Variants in CHCHD3 observed in about 807,000 individuals in gnomAD.
CHCHD3 encodes the protein coiled-coil-helix-coiled-coil-helix domain containing 3.
Under a neutral mutation model 38.2 loss-of-function variants are expected in CHCHD3, and 20 were observed. The ratio of observed to expected loss-of-function variants is 0.52; its 90% CI spans 0.37 to 0.76. The LOEUF (loss-of-function observed/expected upper bound fraction) is 0.76. Ranked by LOEUF, CHCHD3 falls within the 30% of genes least tolerant of loss-of-function variation. CHCHD3 has a pLI of 0.00. For synonymous variants in CHCHD3, 82 were observed against 100.0 expected (o/e 0.82, Z 1.07); for missense variants, 245 against 279.2 (o/e 0.88, Z 0.87).
At chr7:132,790,774 G>A (rs543230121) in intron 7 of CHCHD3, among the ~76,000 whole-genome samples, 3 of 152,294 alleles carry the variant, frequency 2.0e-5, no homozygotes, top group African/African-American at 7.2e-5. Flanking sequence ...TGTGGGTCGG[G>A]GAGAGAAGCA....
intron 5 of CHCHD3, among the ~76,000 whole-genome samples, chr7:132,883,002 G>C (rs1046846176): frequency 3.3e-5 from 5 of 151,564 alleles, no homozygotes; most frequent in Non-Finnish European, 4.4e-5. Flanking sequence ...AGAGTTCTCA[G>C]ATCTGATGGT....
chr7:132,803,009 A>G (rs1806829579), intron 6 of CHCHD3, among the ~76,000 whole-genome samples: 1 of 152,156 alleles, frequency 6.6e-6, no homozygotes, highest in South Asian at 2.1e-4. Flanking sequence ...TGCTTAACAA[A>G]TGTCAAATAA....
rs543794368 is a variant in CHCHD3 at position 132,965,587 on chromosome 7, A to T, written c.369+9582T>A. Among the ~76,000 whole-genome samples the T allele has an allele frequency of 3.3e-5, 5 of 152,354 alleles. No homozygotes were observed. In the East Asian group the frequency reaches 9.6e-4, roughly 29 times the overall value. ...CTTTGGGGCTCAGAGCTATGGTTCCAGGCAATGAGTTACCTGTGTTCCTGA... is the reference window on the plus strand; with the variant it reads ...CTTTGGGGCTCAGAGCTATGGTTCCTGGCAATGAGTTACCTGTGTTCCTGA... On this transcript the variant is annotated intron_variant, in intron 4 of 7. Transcript: ENST00000262570.
chr7:132,837,171 T>C (rs1027850834), intron 6 of CHCHD3, among the ~76,000 whole-genome samples: 1 of 152,212 alleles, frequency 6.6e-6, no homozygotes, highest in Non-Finnish European at 1.5e-5. Context: ...GCTGTTTTTA[T>C]AGCTATTGTC....
At chr7:132,851,560 G>C (rs1379023760) in intron 5 of CHCHD3, among the ~76,000 whole-genome samples, 2 of 152,130 alleles carry the variant, frequency 1.3e-5, no homozygotes, top group Non-Finnish European at 2.9e-5. Flanking sequence ...TTCTGCTTTT[G>C]ACATGGTTGT....
At chr7:132,975,909 C>T (rs1049107531) in intron 3 of CHCHD3, among the ~76,000 whole-genome samples, 2 of 142,382 alleles carry the variant, frequency 1.4e-5, no homozygotes, top group Admixed American at 1.5e-4. Context: ...CTAGCCTGGG[C>T]GAATGAGACT....
chr7:133,070,183 C>A lies in CHCHD3; in HGVS notation c.128G>T (p.Gly43Val). 1.9e-6 allele frequency: 3 copies of A among 1,613,232 alleles called. No homozygotes were observed. The African/African-American group carries it at 4.0e-5, about 22-fold the overall frequency. Reference protein sequence around the residue: ...IDRMKESSPSGSKSQRYSGAY... With the variant: ...IDRMKESSPSVSKSQRYSGAY... ...ACCAGAATACCGCTGAGACTTCGAA[C>A]CAGATGGAGAGGATTCCTTCATTCG... Residue 43 changes from glycine (G) to valine (V), a missense_variant, in exon 2 of 8, where the codon GGT becomes GTT. Transcript: ENST00000262570.
At chr7:132,857,339 T>C (rs867453938) in intron 5 of CHCHD3, among the ~76,000 whole-genome samples, 1 of 152,208 alleles carries the variant, frequency 6.6e-6, no homozygotes, top group African/African-American at 2.4e-5. Flanking sequence ...CGACAAGTGA[T>C]TGTTCTCATT....
intron 1 of CHCHD3, among the ~76,000 whole-genome samples, chr7:133,081,010 AGAGT>A (rs1815156527): frequency 6.6e-6 from 1 of 152,186 alleles, no homozygotes. Context: ...GGCGCAGCGG[AGAGT>A]GTGTTAATGA....
chr7:132,849,992 C>T (rs1808174094), intron 5 of CHCHD3, among the ~76,000 whole-genome samples: 1 of 152,166 alleles, frequency 6.6e-6, no homozygotes, highest in Non-Finnish European at 1.5e-5. Flanking sequence ...TTATGATAGA[C>T]AGGGTGAAAG....
In CHCHD3 at chr7:132,975,204, A is replaced by G. The variant is rs1202378677; in HGVS notation, c.334T>C (p.Cys112Arg). The G allele has an allele frequency of 6.2e-7, 1 of 1,612,306 alleles. No homozygotes were observed. ...LTRAILRERI[C>R]SEEERAKAKH... is the part of the protein sequence containing the mutation. ...GCCTTAGCGCGTTCCTCCTCGCTAC[A>G]TATCCTCTCCCGAAGGATGGCTCTG... Residue 112 changes from cysteine to arginine, a missense_variant, in exon 4 of 8, where the codon TGT becomes CGT. By Grantham distance (180) the Cys-to-Arg change is radical. Transcript: ENST00000262570.
At chr7:132,855,882 GA>G (rs1288759349) in intron 5 of CHCHD3, among the ~76,000 whole-genome samples, 6 of 7,898 alleles carry the variant, frequency 7.6e-4, no homozygotes, top group African/African-American at 1.7e-3. Context: ...AAAAAAGAAA[GA>G]AAAAAAAGAA....
At chr7:132,979,375 C>A (rs1811857599) in intron 3 of CHCHD3, among the ~76,000 whole-genome samples, 1 of 152,110 alleles carries the variant, frequency 6.6e-6, no homozygotes. Context: ...TATATAATTA[C>A]TAGGTGAAAG....
intron 4 of CHCHD3, among the ~76,000 whole-genome samples, chr7:132,896,075 T>TTA (rs1809486877): frequency 6.6e-6 from 1 of 152,074 alleles, no homozygotes; most frequent in Non-Finnish European, 1.5e-5. Context: ...TCTGCTTGTG[T>TTA]TATCTATCAT....
intron 4 of CHCHD3, among the ~76,000 whole-genome samples, chr7:132,932,418 T>C (rs1312505618): frequency 6.6e-6 from 1 of 152,230 alleles, no homozygotes; most frequent in African/African-American, 2.4e-5. Context: ...GCACATTTTA[T>C]TGTTCACTTG....
At chr7:133,012,465 T>C (rs1023691597) in intron 3 of CHCHD3, among the ~76,000 whole-genome samples, 22 of 152,232 alleles carry the variant, frequency 1.4e-4, no homozygotes, top group African/African-American at 4.6e-4. Context: ...GTAAAACCTA[T>C]AAAACATAAA....
At chr7:132,934,893 T>C (rs769040261) in intron 4 of CHCHD3, among the ~76,000 whole-genome samples, 6 of 152,220 alleles carry the variant, frequency 3.9e-5, no homozygotes, top group Admixed American at 6.5e-5. Flanking sequence ...ACATTTCTTA[T>C]ACTATCTCCC....
intron 5 of CHCHD3, among the ~76,000 whole-genome samples, chr7:132,852,565 A>G (rs913606952): frequency 6.6e-6 from 1 of 152,248 alleles, no homozygotes; most frequent in Non-Finnish European, 1.5e-5. Flanking sequence ...AAGAATCAGA[A>G]GACCTTGAAT....
At chr7:132,861,850 T>C (rs1020002664) in intron 5 of CHCHD3, among the ~76,000 whole-genome samples, 3 of 152,216 alleles carry the variant, frequency 2.0e-5, no homozygotes. Flanking sequence ...TAAATTATTA[T>C]CAGTTTGCTG....
Sources: allele counts gnomAD v4.1 joint callset (sites outside exome capture counted in the v4.1 genomes callset), GRCh38; gene constraint gnomAD v4.1.1; transcripts MANE v1.5; gene names NCBI Gene and HGNC (gene_info 2026-07-23, HGNC 2026-07-21).